The following APBA2 variants were observed in gnomAD, a reference collection of about 807,000 sequenced individuals.
APBA2 encodes the protein amyloid-beta A4 precursor protein-binding family A member 2.
Under a neutral mutation model 75.0 loss-of-function variants are expected in APBA2, and 30 were observed. That is an observed-to-expected ratio of 0.40 (90% CI 0.30 to 0.54). The LOEUF (loss-of-function observed/expected upper bound fraction) is 0.54, where lower values mean the gene tolerates loss of function less well. APBA2 is among the 20% of genes least tolerant of loss of function. APBA2 has a pLI of 0.49. For missense variants in APBA2, 801 were observed against 1,016.1 expected (o/e 0.79, Z 2.88); for synonymous variants, 444 against 409.6 (o/e 1.08, Z -1.01).
At chr15:29,008,685 G>T (rs1053111919) in intron 3 of APBA2, among the ~76,000 whole-genome samples, 1 of 152,068 alleles carries the variant, frequency 6.6e-6, no homozygotes, top group Non-Finnish European at 1.5e-5. Context: ...TTCCAGCCTA[G>T]GTAACAGAGC....
At chr15:28,955,800 G>A (rs7170159) in intron 2 of APBA2, among the ~76,000 whole-genome samples, 4,267 of 152,322 alleles carry the variant, frequency 0.028, 76 homozygotes, top group Non-Finnish European at 0.031. Flanking sequence ...CCTGAGGGTC[G>A]GGCCAAGGCC....
At chr15:28,889,241 C>G (rs150658555) in intron 1 of APBA2, among the ~76,000 whole-genome samples, 1 of 152,184 alleles carries the variant, frequency 6.6e-6, no homozygotes, top group Non-Finnish European at 1.5e-5. Context: ...CCCCTCTCTC[C>G]CTGTCCAGAC....
intron 4 of APBA2, among the ~76,000 whole-genome samples, chr15:29,067,882 T>C (rs1387404873): frequency 6.6e-6 from 1 of 152,198 alleles, no homozygotes; most frequent in African/African-American, 2.4e-5. Flanking sequence ...TAAGTTTTTT[T>C]CTTATTAAGA....
chr15:28,898,301 G>A (rs1004239268), intron 1 of APBA2, among the ~76,000 whole-genome samples: 10 of 152,204 alleles, frequency 6.6e-5, no homozygotes, highest in African/African-American at 2.4e-4. Context: ...CCATAGCAGC[G>A]TGATGGTAAC....
intron 3 of APBA2, among the ~76,000 whole-genome samples, chr15:29,053,433 C>T (rs1397847194): frequency 6.6e-6 from 1 of 152,004 alleles, no homozygotes; most frequent in African/African-American, 2.4e-5. Context: ...AGTTATTGTC[C>T]CTCCTCATTG....
intron 2 of APBA2, chr15:28,976,894 A>G (rs2037365254): frequency 6.6e-6 from 1 of 152,142 alleles, no homozygotes; most frequent in Non-Finnish European, 1.5e-5. Flanking sequence ...CTGAGGTGAT[A>G]TGTTCCTCAA....
At chr15:28,930,146 C>T (rs2034487080) in intron 2 of APBA2, among the ~76,000 whole-genome samples, 1 of 152,178 alleles carries the variant, frequency 6.6e-6, no homozygotes, top group African/African-American at 2.4e-5. Context: ...CCCTCCAGCC[C>T]CCGCCAGTAT....
At chr15:29,067,006 C>G (rs566151523) in intron 4 of APBA2, among the ~76,000 whole-genome samples, 1 of 152,244 alleles carries the variant, frequency 6.6e-6, no homozygotes, top group Non-Finnish European at 1.5e-5. Flanking sequence ...TGACAGAAGG[C>G]AGAGTGGGAG....
chr15:29,075,400 G>A (rs2042806202), intron 5 of APBA2, among the ~76,000 whole-genome samples: 1 of 152,052 alleles, frequency 6.6e-6, no homozygotes, highest in Non-Finnish European at 1.5e-5. Flanking sequence ...ACTTTGTTTT[G>A]GGGACTGTCC....
intron 6 of APBA2, among the ~76,000 whole-genome samples, chr15:29,081,856 G>A (rs1406774064): frequency 1.3e-5 from 2 of 152,202 alleles, no homozygotes; most frequent in Non-Finnish European, 2.9e-5. Context: ...TTGTGGCTAC[G>A]CCTTTGTGTT....
chr15:29,067,572 G>A (rs1372703856), intron 4 of APBA2, among the ~76,000 whole-genome samples: 1 of 152,170 alleles, frequency 6.6e-6, no homozygotes, highest in African/African-American at 2.4e-5. Flanking sequence ...AGATCCCACA[G>A]GCTGTGGCTT....
intron 2 of APBA2, among the ~76,000 whole-genome samples, chr15:28,993,569 C>T (rs560112231): frequency 1.4e-3 from 211 of 152,144 alleles, no homozygotes; most frequent in African/African-American, 5.0e-3. Flanking sequence ...ACTCAAAACC[C>T]GTTCTAAATG....
chr15:29,096,478 A>T (rs2043856088), intron 8 of APBA2, among the ~76,000 whole-genome samples: 1 of 152,214 alleles, frequency 6.6e-6, no homozygotes, highest in South Asian at 2.1e-4. Context: ...TTGAGCCACA[A>T]CCCATGAATA....
intron 12 of APBA2, among the ~76,000 whole-genome samples, chr15:29,107,774 A>G (rs1313979013): frequency 5.3e-5 from 8 of 152,104 alleles, no homozygotes; most frequent in African/African-American, 1.9e-4. Context: ...ACCCGCTGAC[A>G]ATTGCGTCCT....
At chr15:29,107,285 A>G (rs1272690358) in intron 12 of APBA2, among the ~76,000 whole-genome samples, 2 of 151,960 alleles carry the variant, frequency 1.3e-5, no homozygotes, top group Non-Finnish European at 2.9e-5. Flanking sequence ...TGACCGTCAG[A>G]CTCGTGAGCT....
intron 2 of APBA2, among the ~76,000 whole-genome samples, chr15:28,945,942 C>T (rs892439081): frequency 4.3e-4 from 66 of 152,266 alleles, no homozygotes; most frequent in African/African-American, 1.4e-3. Flanking sequence ...ATGAGGGTTC[C>T]GCCTCATAAG....
chr15:29,023,187 T>A (rs1381423503), intron 3 of APBA2, among the ~76,000 whole-genome samples: 1 of 152,190 alleles, frequency 6.6e-6, no homozygotes, highest in African/African-American at 2.4e-5. Context: ...TTGAGATGTC[T>A]CTTTGTGTTT....
rs765084356 is a variant in APBA2, at chr15:28,908,315, G to GTTT, written c.-204-13314_-204-13312dup. 2.2e-5 allele frequency among the ~76,000 whole-genome samples: 3 copies of GTTT among 137,596 alleles called. 1 individual carries two copies. The highest frequency in any genetic ancestry group is 9.1e-5 in the African/African-American group (3 of 33,132). The allele number at this position is 137,596 out of a possible 152,430, so 90.3% of individuals were successfully genotyped here. ...TTGTTTTTGTTTGTTTTGTTTTCTT[G>GTTT]TTTTTTTTTTTTTGAGACAGAGTCT... On this transcript the variant is annotated intron_variant, in intron 1 of 14. Coordinates refer to ENST00000683413, the MANE Select transcript of APBA2 (RefSeq NM_001353788.2).
intron 2 of APBA2, among the ~76,000 whole-genome samples, chr15:28,927,525 T>A (rs1366291286): frequency 6.6e-6 from 1 of 152,064 alleles, no homozygotes; most frequent in African/African-American, 2.4e-5. Context: ...GTAACATCTT[T>A]GATGTTGTTC....
Sources: gnomAD v4.1 joint callset for allele counts (sites outside exome capture counted in the v4.1 genomes callset) on GRCh38, gnomAD v4.1.1 for gene constraint, MANE v1.5 for transcripts, NCBI Gene and HGNC (gene_info 2026-07-23, HGNC 2026-07-21) for gene names.